Variants in SOX5 observed in about 807,000 individuals in gnomAD.
SOX5 encodes the protein SRY-box transcription factor 5, also known as transcription factor SOX-5.
Under a neutral mutation model 92.0 loss-of-function variants are expected in SOX5, and 9 were observed. The observed-to-expected ratio is 0.10, with a 90% CI of 0.06 to 0.17. The LOEUF (loss-of-function observed/expected upper bound fraction) is 0.17. SOX5 is among the 10% of genes least tolerant of loss of function. SOX5 has a pLI of 1.00. For synonymous variants in SOX5, 344 were observed against 336.3 expected, an observed-to-expected ratio of 1.02 and a Z score of -0.25; for missense variants, 642 against 944.5, an observed-to-expected ratio of 0.68 and a Z score of 4.20.
At chr12:24,124,338 G>A (rs1231614710) in intron 4 of SOX5, among the ~76,000 whole-genome samples, 1 of 152,100 alleles carries the variant, frequency 6.6e-6, no homozygotes, top group Non-Finnish European at 1.5e-5. Context: ...CATACAACAG[G>A]TCTCTTCTAA....
intron 4 of SOX5, among the ~76,000 whole-genome samples, chr12:24,071,643 C>G (rs970063870): frequency 4.6e-5 from 7 of 152,058 alleles, no homozygotes; most frequent in African/African-American, 7.2e-5. Context: ...ACCATGTTAG[C>G]CAGGATGGTC....
chr12:23,807,242 A>AC (rs2095796327), intron 3 of SOX5, among the ~76,000 whole-genome samples: 1 of 152,182 alleles, frequency 6.6e-6, no homozygotes, highest in Non-Finnish European at 1.5e-5. Context: ...TTATGGTTCG[A>AC]TCTGTGTCCC....
At position 23,570,801 on chromosome 12, in the gene SOX5, C is replaced by T. The variant is rs142026174; in HGVS notation, c.1342+4860G>A. 4.1e-3 allele frequency among the ~76,000 whole-genome samples: 616 copies of T among 149,154 alleles called. 4 individuals carry two copies. The highest frequency in any genetic ancestry group is 0.014 in the African/African-American group (572 of 40,480). On this transcript the variant is annotated intron_variant, in intron 10 of 14. Coordinates refer to ENST00000451604, the MANE Select transcript of SOX5 (RefSeq NM_006940.6). Reference sequence around the variant, plus strand: ...TGGCAGGTGCCTATAGTCCCAGCTACTCTGGAGGCTGAGACAGGGGAATGG... The same window carrying T: ...TGGCAGGTGCCTATAGTCCCAGCTATTCTGGAGGCTGAGACAGGGGAATGG...
At chr12:23,963,119 A>G (rs911024375) in intron 4 of SOX5, among the ~76,000 whole-genome samples, 1 of 152,158 alleles carries the variant, frequency 6.6e-6, no homozygotes, top group African/African-American at 2.4e-5. Context: ...AAATTATTTT[A>G]TAAGGAAACT....
chr12:23,628,087 G>T (rs973074342), intron 8 of SOX5, among the ~76,000 whole-genome samples: 1 of 152,052 alleles, frequency 6.6e-6, no homozygotes, highest in Non-Finnish European at 1.5e-5. Flanking sequence ...TAAAGAATGT[G>T]TAAGGGCGTT....
chr12:24,405,527 C>T (rs1962734095), intron 1 of SOX5, among the ~76,000 whole-genome samples: 4 of 152,268 alleles, frequency 2.6e-5, no homozygotes, highest in Admixed American at 6.5e-5. Context: ...AAGAGACCTT[C>T]CTACATATAA....
At position 24,263,527 on chromosome 12, in the gene SOX5, C is replaced by CAAAAAAA. The variant is rs386375915; in HGVS notation, c.-77+13682_-77+13688dup. On this transcript the variant is annotated intron_variant, in intron 3 of 4. Transcript: ENST00000446891. ...TGGGCGACAGAGCGAGACTCCGTCT[C>CAAAAAAA]AAAAAAAAAAAAACAAAAAAAAAAA... Among the ~76,000 whole-genome samples, 117 of 63,168 alleles carry CAAAAAAA rather than the reference C, an allele frequency of 1.9e-3. 5 individuals carry two copies. The highest frequency in any genetic ancestry group is 0.023 in the Middle Eastern group (1 of 44). The allele number at this position is 63,168 out of a possible 152,430, so 41.4% of individuals were successfully genotyped here.
chr12:23,927,772 T>C (rs1211807386), intron 1 of SOX5, among the ~76,000 whole-genome samples: 1 of 152,074 alleles, frequency 6.6e-6, no homozygotes, highest in Admixed American at 6.6e-5. Context: ...ACCATTGGTA[T>C]GCTGCTGTAA....
intron 1 of SOX5, among the ~76,000 whole-genome samples, chr12:24,451,850 G>A (rs557504691): frequency 6.6e-6 from 1 of 152,320 alleles, no homozygotes; most frequent in Admixed American, 6.5e-5. Context: ...CTGGGACGCT[G>A]TAGCTACTCT....
intron 9 of SOX5, among the ~76,000 whole-genome samples, chr12:23,594,803 T>C (rs1952103397): frequency 6.6e-6 from 1 of 152,210 alleles, no homozygotes; most frequent in African/African-American, 2.4e-5. Context: ...GCCTTTTCTC[T>C]GAACCTTGAA....
rs568979438 is a variant in SOX5, at chr12:24,359,896, T to C, written c.-174+8667A>G. On this transcript the variant is annotated intron_variant, in intron 2 of 4. Coordinates refer to the SOX5 transcript ENST00000446891. ...CCCAATTCTGGATTTAAAAATAGAATCTTCACTCACAACAACTAGATTTTT... is the reference window on the plus strand; with the variant it reads ...CCCAATTCTGGATTTAAAAATAGAACCTTCACTCACAACAACTAGATTTTT... Among the ~76,000 whole-genome samples the C allele has an allele frequency of 5.9e-5, 9 of 152,234 alleles. 1 individual carries two copies. In the South Asian group the frequency reaches 1.5e-3, roughly 25 times the overall value.
chr12:23,610,483 A>G (rs2075817516), intron 8 of SOX5, among the ~76,000 whole-genome samples: 1 of 152,194 alleles, frequency 6.6e-6, no homozygotes, highest in Admixed American at 6.6e-5. Flanking sequence ...TCAATGCTTT[A>G]TCAGAAAATT....
chr12:24,365,574 G>A (rs575581120), intron 2 of SOX5, among the ~76,000 whole-genome samples: 1 of 150,894 alleles, frequency 6.6e-6, no homozygotes, highest in East Asian at 2.0e-4. Flanking sequence ...TCATCAACAT[G>A]TTCCAAAATA....
chr12:23,754,628 GT>G (rs1289460566), intron 4 of SOX5, among the ~76,000 whole-genome samples: 2 of 151,756 alleles, frequency 1.3e-5, no homozygotes, highest in African/African-American at 4.8e-5. Flanking sequence ...TTTTCCGGAA[GT>G]TTTTAGATAT....
intron 4 of SOX5, among the ~76,000 whole-genome samples, chr12:24,095,975 A>T (rs1945358756): frequency 6.6e-6 from 1 of 152,180 alleles, no homozygotes; most frequent in Admixed American, 6.5e-5. Flanking sequence ...GCAGTTCCTT[A>T]CAGCAATATG....
At chr12:23,695,989 CA>C (rs1194011891) in intron 6 of SOX5, among the ~76,000 whole-genome samples, 1 of 73,132 alleles carries the variant, frequency 1.4e-5, no homozygotes, top group Non-Finnish European at 3.1e-5. Flanking sequence ...AAAAACAAAA[CA>C]AAAAAACAAA....
chr12:23,906,738 C>G (rs2097297392), intron 1 of SOX5, among the ~76,000 whole-genome samples: 1 of 152,104 alleles, frequency 6.6e-6, no homozygotes, highest in South Asian at 2.1e-4. Context: ...TACTAAAAAG[C>G]AAAGCCCCAT....
chr12:24,516,519 C>A (rs1398220102), intron 1 of SOX5, among the ~76,000 whole-genome samples: 1 of 152,198 alleles, frequency 6.6e-6, no homozygotes, highest in Non-Finnish European at 1.5e-5. Flanking sequence ...ACCCTGATTG[C>A]CAGCTCTCCT....
At chr12:24,383,385 T>G (rs1259532245) in intron 1 of SOX5, among the ~76,000 whole-genome samples, 1 of 152,246 alleles carries the variant, frequency 6.6e-6, no homozygotes, top group South Asian at 2.1e-4. Context: ...TGTCCACATA[T>G]GTAGTTACAT....
Sources: gnomAD v4.1 joint callset for allele counts (sites outside exome capture counted in the v4.1 genomes callset) on GRCh38, gnomAD v4.1.1 for gene constraint, MANE v1.5 for transcripts, NCBI Gene and HGNC (gene_info 2026-07-23, HGNC 2026-07-21) for gene names.